The following CNTN5 variants were observed in gnomAD, a reference collection of about 807,000 sequenced individuals.
CNTN5 encodes the protein contactin 5.
Under a neutral mutation model 129.1 loss-of-function variants are expected in CNTN5, and 77 were observed. The observed-to-expected ratio is 0.60, with a 90% CI of 0.50 to 0.72. CNTN5 has a LOEUF of 0.72. CNTN5 is among the 30% of genes least tolerant of loss of function. CNTN5 has a pLI of 0.00. For synonymous variants in CNTN5, 509 were observed against 465.6 expected, an observed-to-expected ratio of 1.09 and a Z score of -1.20; for missense variants, 1,478 against 1,328.8, an observed-to-expected ratio of 1.11 and a Z score of -1.75.
chr11:99,767,155 T>C (rs1456877112), intron 3 of CNTN5, among the ~76,000 whole-genome samples: 1 of 152,148 alleles, frequency 6.6e-6, no homozygotes, highest in Non-Finnish European at 1.5e-5. Flanking sequence ...ATCTATCATG[T>C]ATCTGTTTAT....
intron 1 of CNTN5, among the ~76,000 whole-genome samples, chr11:99,040,488 T>A (rs1320791409): frequency 6.6e-6 from 1 of 152,162 alleles, no homozygotes; most frequent in South Asian, 2.1e-4. Flanking sequence ...TACTAAACTT[T>A]ACAGTTACCA....
chr11:99,254,935 G>T (rs1203364704), intron 1 of CNTN5, among the ~76,000 whole-genome samples: 1 of 151,916 alleles, frequency 6.6e-6, no homozygotes, highest in Non-Finnish European at 1.5e-5. Context: ...TTTGGCCAAA[G>T]AATCTTTTTC....
chr11:99,724,699 G>A (rs922848675), intron 3 of CNTN5, among the ~76,000 whole-genome samples: 2 of 151,988 alleles, frequency 1.3e-5, no homozygotes, highest in African/African-American at 2.4e-5. Context: ...TTTAGTTATC[G>A]GTAAATGCAC....
At chr11:99,588,547 C>T (rs1233314051) in intron 3 of CNTN5, among the ~76,000 whole-genome samples, 1 of 152,078 alleles carries the variant, frequency 6.6e-6, no homozygotes, top group African/African-American at 2.4e-5. Context: ...AAACATTAAA[C>T]CCCTAGTGAG....
chr11:100,140,396 G>T (rs763928384), intron 13 of CNTN5, among the ~76,000 whole-genome samples: 1 of 152,160 alleles, frequency 6.6e-6, no homozygotes, highest in Non-Finnish European at 1.5e-5. Context: ...AACATAGGAA[G>T]AAGTGGTTAT....
chr11:100,235,523 G>A (rs1408873560), intron 16 of CNTN5, among the ~76,000 whole-genome samples: 2 of 152,062 alleles, frequency 1.3e-5, no homozygotes, highest in Non-Finnish European at 2.9e-5. Context: ...AGGCTCTTCC[G>A]TGTAGAGCAG....
chr11:100,303,062 CA>C (rs1951264715), intron 20 of CNTN5, among the ~76,000 whole-genome samples: 1 of 151,518 alleles, frequency 6.6e-6, no homozygotes, highest in Non-Finnish European at 1.5e-5. Flanking sequence ...AATGTTGCCA[CA>C]AGAGAAGCAA....
intron 16 of CNTN5, among the ~76,000 whole-genome samples, chr11:100,245,962 AGT>A (rs1026264823): frequency 2.3e-4 from 35 of 152,280 alleles, no homozygotes; most frequent in African/African-American, 8.2e-4. Context: ...ATGAGCATTA[AGT>A]CATTATTATT....
Position 99,073,383 on chromosome 11 carries a change from T to G in CNTN5, c.-210+52113T>G, listed in dbSNP as rs1384981456. On this transcript the variant is annotated intron_variant, in intron 1 of 24. Transcript: ENST00000524871. Reference sequence around the variant, plus strand: ...GTCTCTTTATGGTTTGGTTTTTTTTTTTTTTTTTTTTTTTTACTTTAAGTT... The same window carrying G: ...GTCTCTTTATGGTTTGGTTTTTTTTGTTTTTTTTTTTTTTTACTTTAAGTT... 1.2e-3 allele frequency among the ~76,000 whole-genome samples: 179 copies of G among 148,594 alleles called. 2 individuals carry two copies. Among genetic ancestry groups the G allele is most frequent in the African/African-American group, 4.2e-3 (170 of 40,286 alleles).
intron 13 of CNTN5, among the ~76,000 whole-genome samples, chr11:100,122,009 G>A (rs1458947028): frequency 6.6e-6 from 1 of 151,912 alleles, no homozygotes. Flanking sequence ...GGATTTATTA[G>A]GGTAATTTCT....
intron 13 of CNTN5, among the ~76,000 whole-genome samples, chr11:100,153,619 A>C (rs1421212205): frequency 6.6e-6 from 1 of 152,146 alleles, no homozygotes; most frequent in Non-Finnish European, 1.5e-5. Flanking sequence ...CGTGAATACT[A>C]ACCTTTCTTC....
intron 2 of CNTN5, among the ~76,000 whole-genome samples, chr11:99,544,221 G>A (rs180942672): frequency 6.1e-4 from 93 of 152,204 alleles, no homozygotes; most frequent in Non-Finnish European, 1.1e-3. Flanking sequence ...GTATAGCACT[G>A]AGAAGACGGG....
chr11:99,895,181 G>A (rs966252732), intron 6 of CNTN5, among the ~76,000 whole-genome samples: 1 of 152,152 alleles, frequency 6.6e-6, no homozygotes, highest in African/African-American at 2.4e-5. Context: ...TCAGTACTAG[G>A]CATCCAAGAG....
chr11:99,790,753 T>C (rs1945711895), intron 3 of CNTN5, among the ~76,000 whole-genome samples: 1 of 152,082 alleles, frequency 6.6e-6, no homozygotes, highest in South Asian at 2.1e-4. Context: ...GTCAAACAAG[T>C]TTTCACAATG....
chr11:100,157,539 T>C (rs972860966), intron 13 of CNTN5, among the ~76,000 whole-genome samples: 1 of 151,162 alleles, frequency 6.6e-6, no homozygotes, highest in African/African-American at 2.4e-5. Flanking sequence ...GTCTCAACAG[T>C]GTTTTAGTAT....
In CNTN5 at chr11:99,893,696, A is replaced by G. The variant is rs559609671; in HGVS notation, c.578-22358A>G. Among the ~76,000 whole-genome samples the G allele has an allele frequency of 3.9e-5, 6 of 152,332 alleles. No homozygotes were observed. In the East Asian group the frequency reaches 9.7e-4, roughly 25 times the overall value. ...GTTGAATTTGATTGTCTCCAATTCA[A>G]TGATAATATGGTAACATATGTTCTG... On this transcript the variant is annotated intron_variant, in intron 6 of 24. Coordinates refer to ENST00000524871, the MANE Select transcript of CNTN5 (RefSeq NM_014361.4).
chr11:100,184,830 G>GTA (rs1463921113), intron 13 of CNTN5, among the ~76,000 whole-genome samples: 3 of 152,130 alleles, frequency 2.0e-5, no homozygotes, highest in African/African-American at 7.2e-5. Flanking sequence ...AGTTGATACA[G>GTA]TATGGCTCTG....
chr11:99,606,579 A>C (rs368488090), intron 3 of CNTN5, among the ~76,000 whole-genome samples: 2 of 138,500 alleles, frequency 1.4e-5, no homozygotes, highest in South Asian at 2.4e-4. Context: ...ACTTTCTTCA[A>C]AGAATTGGAA....
At chr11:100,167,099 C>T (rs911109828) in intron 13 of CNTN5, among the ~76,000 whole-genome samples, 1 of 151,634 alleles carries the variant, frequency 6.6e-6, no homozygotes, top group South Asian at 2.1e-4. Flanking sequence ...ATTTCCAACC[C>T]TTTTAAAGTG....
Sources: gnomAD v4.1 joint callset for allele counts (sites outside exome capture counted in the v4.1 genomes callset) on GRCh38, gnomAD v4.1.1 for gene constraint, MANE v1.5 for transcripts, NCBI Gene and HGNC (gene_info 2026-07-23, HGNC 2026-07-21) for gene names.